ERC2: variants seen among roughly 807,000 people sequenced by gnomAD.
ERC2 encodes the protein ERC protein 2.
ERC2 carries 42 observed loss-of-function variants against 114.8 expected under a neutral mutation model. The ratio of observed to expected loss-of-function variants is 0.37; its 90% confidence interval spans 0.29 to 0.47. ERC2 has a LOEUF of 0.47. Among genes scored for constraint, ERC2 ranks in the 20% least tolerant of loss-of-function variants. ERC2 has a pLI of 0.99. For missense variants in ERC2, 939 were observed against 1,150.7 expected (o/e 0.82, Z 2.66); for synonymous variants, 454 against 425.5 (o/e 1.07, Z -0.82).
chr3:55,588,525 C>G (rs1346571840), intron 17 of ERC2, among the ~76,000 whole-genome samples: 1 of 152,190 alleles, frequency 6.6e-6, no homozygotes, highest in Non-Finnish European at 1.5e-5. Context: ...AAATCCCCCT[C>G]GGCCTGATGA....
chr3:55,985,036 T>A (rs778549437), intron 12 of ERC2, among the ~76,000 whole-genome samples: 1 of 152,250 alleles, frequency 6.6e-6, no homozygotes, highest in Non-Finnish European at 1.5e-5. Context: ...TGCCTCTCAA[T>A]AGAGCAACTA....
rs368156348 is a variant in ERC2, at chr3:56,064,212, AAAGAAC to A, written c.1641+16599_1641+16604del. Among the ~76,000 whole-genome samples, 399 of 152,302 alleles carry A rather than the reference AAAGAAC, an allele frequency of 2.6e-3. 2 individuals are homozygous for A. The highest frequency in any genetic ancestry group is 9.1e-3 in the African/African-American group (380 of 41,560). On this transcript the variant is annotated intron_variant, in intron 7 of 17. Transcript: ENST00000288221. ...TTCATACCTGCCATCTACCTGTCCC[AAAGAAC>A]ACTACCGGGCAAGCCCTAAGAAACG...
rs536383596 is a variant in ERC2 at position 55,545,558 on chromosome 3, A to T, written c.*40-34282T>A. Among the ~76,000 whole-genome samples the T allele has an allele frequency of 2.0e-5, 3 of 152,302 alleles. No individual in the cohort carries two copies. The East Asian group carries it at 5.8e-4, about 29-fold the overall frequency. On this transcript the variant is annotated intron_variant, in intron 17 of 17. Coordinates refer to ENST00000288221, the MANE Select transcript of ERC2 (RefSeq NM_015576.3). ...CATCTCAGTAACTGAGGAACAATTT[A>T]TCCTTTCAGTGGGACTCTTAGGGGT...
intron 17 of ERC2, among the ~76,000 whole-genome samples, chr3:55,635,926 T>C (rs970245912): frequency 6.6e-6 from 1 of 152,010 alleles, no homozygotes; most frequent in Non-Finnish European, 1.5e-5. Flanking sequence ...TCTCCTAGGC[T>C]GGAGTACAGT....
At chr3:55,970,973 G>A (rs1023082918) in intron 12 of ERC2, among the ~76,000 whole-genome samples, 2 of 152,152 alleles carry the variant, frequency 1.3e-5, no homozygotes, top group African/African-American at 4.8e-5. Flanking sequence ...TAAACAAAAT[G>A]TGGTATACCC....
intron 2 of ERC2, among the ~76,000 whole-genome samples, chr3:56,408,914 C>A (rs1290388776): frequency 6.6e-6 from 1 of 152,244 alleles, no homozygotes; most frequent in African/African-American, 2.4e-5. Context: ...ACGCACGAGG[C>A]TGGCGTGGCC....
chr3:56,467,329 G>C (rs146412501), intron 1 of ERC2, among the ~76,000 whole-genome samples: 110 of 152,290 alleles, frequency 7.2e-4, no homozygotes, highest in African/African-American at 2.3e-3. Context: ...TTCACCGCTC[G>C]GGGAGTAAAT....
chr3:55,931,004 C>T (rs561879472), intron 13 of ERC2, among the ~76,000 whole-genome samples: 19 of 152,284 alleles, frequency 1.2e-4, no homozygotes, highest in Admixed American at 6.5e-4. Flanking sequence ...TTAAAAAAGG[C>T]TTATCATCAC....
At chr3:56,240,655 T>C (rs968296928) in intron 3 of ERC2, among the ~76,000 whole-genome samples, 3 of 151,806 alleles carry the variant, frequency 2.0e-5, no homozygotes, top group African/African-American at 7.3e-5. Flanking sequence ...TGAGATGCAG[T>C]CCAATTTCAG....
At chr3:55,613,362 G>A (rs892005737) in intron 17 of ERC2, among the ~76,000 whole-genome samples, 2 of 152,180 alleles carry the variant, frequency 1.3e-5, no homozygotes, top group Non-Finnish European at 2.9e-5. Flanking sequence ...GTGACTTTTA[G>A]GGGCACAAAT....
At chr3:55,693,967 C>G (rs1339581343) in intron 16 of ERC2, among the ~76,000 whole-genome samples, 1 of 152,136 alleles carries the variant, frequency 6.6e-6, no homozygotes, top group Non-Finnish European at 1.5e-5. Flanking sequence ...CCTCAGCCTC[C>G]CAATGTGTTG....
chr3:55,820,445 C>T (rs112280661), intron 14 of ERC2, among the ~76,000 whole-genome samples: 165 of 152,252 alleles, frequency 1.1e-3, no homozygotes, highest in African/African-American at 3.8e-3. Flanking sequence ...AAAGTGTTGT[C>T]ACAGAAATCA....
intron 3 of ERC2, among the ~76,000 whole-genome samples, chr3:56,258,729 C>T (rs2052698622): frequency 6.6e-6 from 1 of 152,154 alleles, no homozygotes; most frequent in Non-Finnish European, 1.5e-5. Context: ...GGCCCATGGG[C>T]TGTAGTTTGC....
chr3:55,958,773 C>T (rs1475369864), intron 12 of ERC2, among the ~76,000 whole-genome samples: 1 of 152,228 alleles, frequency 6.6e-6, no homozygotes, highest in Non-Finnish European at 1.5e-5. Context: ...CTTTGCTCCA[C>T]ACAGGAGCAG....
intron 1 of ERC2, among the ~76,000 whole-genome samples, chr3:56,451,040 G>A (rs376258939): frequency 2.8e-4 from 43 of 152,084 alleles, no homozygotes; most frequent in South Asian, 4.1e-4. Context: ...TTTCAGATTC[G>A]TTTTTTAAAC....
intron 14 of ERC2, among the ~76,000 whole-genome samples, chr3:55,822,557 T>A (rs1453999264): frequency 7.5e-6 from 1 of 134,006 alleles, no homozygotes; most frequent in Non-Finnish European, 1.6e-5. Flanking sequence ...GAATTTTTTT[T>A]TCTTTTTTTT....
intron 3 of ERC2, among the ~76,000 whole-genome samples, chr3:56,276,843 C>A (rs1005590062): frequency 6.6e-5 from 10 of 152,184 alleles, no homozygotes; most frequent in African/African-American, 2.4e-4. Context: ...AAAACACACA[C>A]ATACACACAC....
At chr3:56,200,136 T>C (rs2048329289) in intron 3 of ERC2, among the ~76,000 whole-genome samples, 1 of 152,102 alleles carries the variant, frequency 6.6e-6, no homozygotes, top group South Asian at 2.1e-4. Flanking sequence ...TATTTATACA[T>C]CACCCAGCAC....
chr3:56,068,377 T>C (rs2076577160), intron 7 of ERC2, among the ~76,000 whole-genome samples: 1 of 152,204 alleles, frequency 6.6e-6, no homozygotes, highest in East Asian at 1.9e-4. Context: ...GTGGGGTCAG[T>C]GGTGATATCT....
Sources: allele counts gnomAD v4.1 joint callset (sites outside exome capture counted in the v4.1 genomes callset), GRCh38; gene constraint gnomAD v4.1.1; transcripts MANE v1.5; gene names NCBI Gene and HGNC (gene_info 2026-07-23, HGNC 2026-07-21).